The following ANO4 variants were observed in gnomAD, a reference collection of about 807,000 sequenced individuals.
ANO4 encodes the protein anoctamin-4.
A neutral mutation model predicts 141.9 loss-of-function variants in ANO4; 69 were observed. The observed-to-expected ratio is 0.49, with a 90% CI of 0.40 to 0.59. The LOEUF is 0.59. Ranked by LOEUF, ANO4 falls within the 20% of genes least tolerant of loss-of-function variation. The probability of loss-of-function intolerance (pLI) is 0.00; values close to 1 mark genes in which losing one functional copy is unlikely to be tolerated. For synonymous variants in ANO4, 350 were observed against 394.3 expected (o/e 0.89, Z 1.33); for missense variants, 894 against 1,162.2 (o/e 0.77, Z 3.36).
At chr12:100,721,414 GGAGGAGGAGAT>G (rs1451093726) in intron 1 of ANO4, among the ~76,000 whole-genome samples, 2 of 152,166 alleles carry the variant, frequency 1.3e-5, no homozygotes, top group Non-Finnish European at 2.9e-5. Flanking sequence ...ACAGTTTCCT[GGAGGAGGAGAT>G]TGGGAGAAGG....
intron 1 of ANO4, among the ~76,000 whole-genome samples, chr12:100,732,318 G>A (rs1204132405): frequency 6.6e-6 from 1 of 152,064 alleles, no homozygotes; most frequent in Non-Finnish European, 1.5e-5. Context: ...CATTTCTCTG[G>A]TGTCTGACGT....
chr12:101,065,461 T>C (rs1304204818), intron 14 of ANO4, among the ~76,000 whole-genome samples: 1 of 152,124 alleles, frequency 6.6e-6, no homozygotes, highest in Non-Finnish European at 1.5e-5. Flanking sequence ...TTCAAATAAT[T>C]ATTAGAGGAT....
intron 18 of ANO4, among the ~76,000 whole-genome samples, chr12:101,094,709 G>A (rs1157534335): frequency 6.6e-6 from 1 of 152,164 alleles, no homozygotes; most frequent in Non-Finnish European, 1.5e-5. Context: ...TGGAAGGCCA[G>A]GCATGGTGGC....
intron 1 of ANO4, among the ~76,000 whole-genome samples, chr12:100,890,770 A>G (rs945639457): frequency 3.9e-5 from 6 of 152,116 alleles, no homozygotes; most frequent in Admixed American, 6.5e-5. Context: ...AATTATTACA[A>G]TTGATGAACC....
chr12:101,070,487 T>G (rs1403392034), intron 14 of ANO4, among the ~76,000 whole-genome samples: 1 of 152,160 alleles, frequency 6.6e-6, no homozygotes, highest in African/African-American at 2.4e-5. Flanking sequence ...ACTAGACCCT[T>G]ATCTTTCCGC....
chr12:100,745,846 T>G (rs2032076918), intron 3 of ANO4, among the ~76,000 whole-genome samples: 1 of 152,218 alleles, frequency 6.6e-6, no homozygotes, highest in Non-Finnish European at 1.5e-5. Context: ...AATAAAAATA[T>G]ATCCATATGT....
intron 8 of ANO4, among the ~76,000 whole-genome samples, chr12:101,019,574 G>A (rs2046441295): frequency 6.6e-6 from 1 of 152,096 alleles, no homozygotes; most frequent in African/African-American, 2.4e-5. Flanking sequence ...CTGTGAGCCA[G>A]ACCACAGCTC....
At chr12:100,789,471 C>T (rs754023267) in intron 3 of ANO4, among the ~76,000 whole-genome samples, 10 of 152,186 alleles carry the variant, frequency 6.6e-5, no homozygotes, top group African/African-American at 1.4e-4. Flanking sequence ...ATGATGACAA[C>T]GGTGACAATA....
chr12:101,088,197 G>A (rs996786309), intron 17 of ANO4, among the ~76,000 whole-genome samples: 7 of 152,076 alleles, frequency 4.6e-5, no homozygotes, highest in Non-Finnish European at 1.0e-4. Context: ...TTGTCCTTTT[G>A]ATGCTCTCAC....
chr12:100,727,282 G>A (rs1287672099), intron 1 of ANO4, among the ~76,000 whole-genome samples: 1 of 152,100 alleles, frequency 6.6e-6, no homozygotes. Context: ...TCTTCTCATG[G>A]TAGGTTTGTC....
chr12:100,866,307 T>C (rs749235284), intron 1 of ANO4, among the ~76,000 whole-genome samples: 5 of 152,180 alleles, frequency 3.3e-5, no homozygotes, highest in Non-Finnish European at 5.9e-5. Flanking sequence ...AAAGGAATAA[T>C]GGAAGGCATA....
chr12:100,837,743 C>T (rs1439681510), intron 1 of ANO4, among the ~76,000 whole-genome samples: 3 of 143,776 alleles, frequency 2.1e-5, no homozygotes, highest in East Asian at 2.1e-4. Flanking sequence ...AAAAAAAGCT[C>T]GCTCATACCC....
chr12:100,871,517 G>C (rs2039032837), intron 1 of ANO4, among the ~76,000 whole-genome samples: 1 of 152,334 alleles, frequency 6.6e-6, no homozygotes, highest in Non-Finnish European at 1.5e-5. Context: ...CTGGTGGTTT[G>C]TAACCTTTTA....
Position 100,828,581 on chromosome 12 carries a change from C to T in ANO4, c.-141+33554C>T, listed in dbSNP as rs534016065. 3.3e-5 allele frequency among the ~76,000 whole-genome samples: 5 copies of T among 152,064 alleles called. No homozygotes were observed. In the East Asian group the frequency reaches 9.7e-4, roughly 30 times the overall value. Reference sequence around the variant, plus strand: ...CATGCCACTTTAGGAAAATAATAGCCCATGCGGTGCCACCTTATTCTTTAT... The same window carrying T: ...CATGCCACTTTAGGAAAATAATAGCTCATGCGGTGCCACCTTATTCTTTAT... On this transcript the variant is annotated intron_variant, in intron 1 of 27. Transcript: ENST00000392977.
chr12:100,913,220 A>G (rs556009919), intron 2 of ANO4, among the ~76,000 whole-genome samples: 2 of 152,304 alleles, frequency 1.3e-5, no homozygotes, highest in South Asian at 2.1e-4. Flanking sequence ...TCATTTTACA[A>G]CCTTTTGAGC....
intron 1 of ANO4, among the ~76,000 whole-genome samples, chr12:100,880,743 C>T (rs2039524930): frequency 6.6e-6 from 1 of 152,126 alleles, no homozygotes; most frequent in African/African-American, 2.4e-5. Flanking sequence ...ACTGTTGTTG[C>T]CCATATGCAA....
Position 101,120,600 on chromosome 12 carries a change from G to A in ANO4, c.2651G>A (p.Arg884Gln), listed in dbSNP as rs1247973076. Residue 884 changes from arginine (R) to glutamine (Q), a missense_variant, in exon 26 of 28, where the codon CGA becomes CAA. Physicochemically the swap from Arg to Gln is conservative, Grantham distance 43. Transcript: ENST00000392977. The stretch of plus-strand genomic sequence containing the variant: ...CAGTTTTGGCATGTCCTAGCTGCTC[G>A]ATTAGCTTTTATCATTGTCTTTGAG... ...TLQFWHVLAARLAFIIVFEHL... is the reference protein window; with the variant it reads ...TLQFWHVLAAQLAFIIVFEHL... 1.2e-5 allele frequency: 19 copies of A among 1,613,932 alleles called. No homozygotes were observed. Among genetic ancestry groups the A allele is most frequent in the Middle Eastern group, 1.7e-4 (1 of 6,060 alleles).
chr12:101,042,274 T>G, intron 11 of ANO4, 60 bp from the exon 12 acceptor site: 1 of 1,596,680 alleles, frequency 6.3e-7, no homozygotes, highest in Non-Finnish European at 8.6e-7. Context: ...ATACGAAGTT[T>G]CATAATGCTT....
intron 1 of ANO4, among the ~76,000 whole-genome samples, chr12:100,817,626 C>T (rs1220179965): frequency 1.3e-5 from 2 of 151,860 alleles, no homozygotes; most frequent in Admixed American, 1.3e-4. Flanking sequence ...TGTTGGATTC[C>T]ATGTTTATGT....
Sources: allele counts gnomAD v4.1 joint callset (sites outside exome capture counted in the v4.1 genomes callset), GRCh38; gene constraint gnomAD v4.1.1; transcripts MANE v1.5; gene names NCBI Gene and HGNC (gene_info 2026-07-23, HGNC 2026-07-21).